Variants in CTNND2 observed in about 807,000 individuals in gnomAD.
CTNND2 encodes the protein catenin delta 2.
Under a neutral mutation model 144.4 loss-of-function variants are expected in CTNND2, and 22 were observed. The observed-to-expected ratio is 0.15, with a 90% CI of 0.11 to 0.22. CTNND2 has a LOEUF of 0.22. Ranked by LOEUF, CTNND2 falls within the 10% of genes least tolerant of loss-of-function variation. The pLI is 1.00. For synonymous variants in CTNND2, 751 were observed against 695.6 expected (o/e 1.08, Z -1.25); for missense variants, 1,353 against 1,618.8 (o/e 0.84, Z 2.82).
At position 11,343,814 on chromosome 5, in the gene CTNND2, AT is replaced by A. The variant is rs1193649981; in HGVS notation, c.1628+2557del. ...TGTAATGTGCTATAAACATATGTTT[AT>A]AATGATAAAGAGGCTTACATAGCCT... On this transcript the variant is annotated intron_variant, in intron 9 of 21. Coordinates refer to ENST00000304623, the MANE Select transcript of CTNND2 (RefSeq NM_001332.4). 2.0e-5 allele frequency among the ~76,000 whole-genome samples: 3 copies of A among 152,350 alleles called. No homozygotes were observed. In the East Asian group the frequency reaches 5.8e-4, roughly 29 times the overall value.
intron 11 of CTNND2, among the ~76,000 whole-genome samples, chr5:11,181,267 A>G (rs961437293): frequency 2.6e-5 from 4 of 152,188 alleles, no homozygotes; most frequent in African/African-American, 9.7e-5. Flanking sequence ...TGCCTGGGGT[A>G]TAAGAAGTGC....
chr5:10,984,049 G>A (rs1737628731), intron 20 of CTNND2, among the ~76,000 whole-genome samples: 1 of 152,158 alleles, frequency 6.6e-6, no homozygotes, highest in Admixed American at 6.5e-5. Flanking sequence ...GTCAAGTGAA[G>A]TAACCCCTTC....
At chr5:11,718,275 G>A (rs1305768322) in intron 2 of CTNND2, among the ~76,000 whole-genome samples, 4 of 152,150 alleles carry the variant, frequency 2.6e-5, no homozygotes, top group Non-Finnish European at 4.4e-5. Flanking sequence ...ATGTTCTTAA[G>A]ATTTAATGAG....
intron 1 of CTNND2, among the ~76,000 whole-genome samples, chr5:11,794,893 G>T (rs887972978): frequency 2.0e-5 from 3 of 151,924 alleles, no homozygotes; most frequent in African/African-American, 7.3e-5. Context: ...TGATTCGTAG[G>T]CTCAACACAA....
chr5:11,318,171 C>T (rs1030632528), intron 9 of CTNND2, among the ~76,000 whole-genome samples: 4 of 152,104 alleles, frequency 2.6e-5, no homozygotes, highest in South Asian at 2.1e-4. Context: ...CTCCAGTACA[C>T]GGAACCACCA....
intron 2 of CTNND2, among the ~76,000 whole-genome samples, chr5:11,662,288 T>C (rs13179081): frequency 6.9e-6 from 1 of 144,618 alleles, no homozygotes; most frequent in Non-Finnish European, 1.5e-5. Context: ...TATATATATA[T>C]ATAGACAGAG....
intron 2 of CTNND2, among the ~76,000 whole-genome samples, chr5:11,584,270 G>A (rs1251581589): frequency 2.0e-5 from 3 of 152,138 alleles, no homozygotes; most frequent in Non-Finnish European, 4.4e-5. Context: ...GAACACGTAT[G>A]CAAATGTTAC....
chr5:11,295,773 T>C (rs1748889690), intron 9 of CTNND2, among the ~76,000 whole-genome samples: 2 of 152,152 alleles, frequency 1.3e-5, no homozygotes, highest in Non-Finnish European at 2.9e-5. Context: ...GAAAACTGCC[T>C]AGCCATATGT....
chr5:11,603,439 C>T (rs73742874), intron 2 of CTNND2, among the ~76,000 whole-genome samples: 3 of 152,080 alleles, frequency 2.0e-5, no homozygotes, highest in Admixed American at 6.6e-5. Flanking sequence ...CAGGACCTCA[C>T]GTGCTGCACC....
intron 1 of CTNND2, among the ~76,000 whole-genome samples, chr5:11,854,030 G>C (rs930949502): frequency 2.6e-5 from 4 of 152,142 alleles, no homozygotes; most frequent in African/African-American, 9.7e-5. Flanking sequence ...TGATAAACAA[G>C]GCCCTGGAAA....
intron 2 of CTNND2, among the ~76,000 whole-genome samples, chr5:11,622,515 C>T (rs1780898286): frequency 1.3e-5 from 2 of 152,102 alleles, no homozygotes; most frequent in African/African-American, 4.8e-5. Flanking sequence ...GGTTCATAAA[C>T]TGAAGAGTTT....
In CTNND2 at chr5:10,973,463, G is replaced by A; in HGVS notation, c.3668C>T (p.Ser1223Phe). The change falls in exon 22 of 22, where the codon TCC becomes TTC. Residue 1223 changes from serine (S) to phenylalanine (F), a missense_variant. Ser to Phe is a radical substitution (Grantham distance 155). This residue lies in a region of CTNND2 where 459 missense variants were observed against 674.3 expected (regional missense o/e 0.68). Transcript: ENST00000304623. The surrounding 1 kb of genome is among the most constrained non-coding windows in gnomAD (Gnocchi z 5.6). ...CCTGTGCCCTGCTCCTCACACCCAG[G>A]AGTCGGGGGAGGCCGGGTAGTGGCT... ...ETSHYPASPD[S>F]WV The A allele has an allele frequency of 6.3e-7, 1 of 1,592,556 alleles. No individual in the cohort carries two copies. Among genetic ancestry groups the A allele is most frequent in the Non-Finnish European group, 8.6e-7 (1 of 1,166,778 alleles).
Position 11,277,969 on chromosome 5 carries a change from T to C in CTNND2, c.1629-41146A>G, listed in dbSNP as rs188226907. Among the ~76,000 whole-genome samples the C allele has an allele frequency of 7.2e-5, 11 of 152,340 alleles. No individual in the cohort carries two copies. In the East Asian group the frequency reaches 1.5e-3, roughly 21 times the overall value. ...ATCTACAACATTGCTGCAAAGCCTC[T>C]TGTCTCCACTTTTCTGTACCGCACA... On this transcript the variant is annotated intron_variant, in intron 9 of 21. Transcript: ENST00000304623.
chr5:11,455,750 C>T (rs1439095966), intron 3 of CTNND2, among the ~76,000 whole-genome samples: 1 of 152,114 alleles, frequency 6.6e-6, no homozygotes, highest in Non-Finnish European at 1.5e-5. Flanking sequence ...TGACATTTTA[C>T]TTTAGATAAT....
intron 1 of CTNND2, among the ~76,000 whole-genome samples, chr5:11,860,728 A>G (rs1177738286): frequency 3.9e-5 from 6 of 152,216 alleles, no homozygotes; most frequent in Non-Finnish European, 8.8e-5. Flanking sequence ...TCAAGCAGTG[A>G]CATAATCTAC....
intron 1 of CTNND2, among the ~76,000 whole-genome samples, chr5:11,820,460 G>A (rs1354499926): frequency 2.8e-4 from 43 of 152,156 alleles, no homozygotes; most frequent in Admixed American, 2.8e-3. Context: ...ATTAACTCCT[G>A]CTCCAAAGTT....
In CTNND2 at chr5:11,903,696, G is replaced by A. The variant is rs2126362627; in HGVS notation, c.37+121C>T. 1 of 1,074,854 alleles carries A rather than the reference G, an allele frequency of 9.3e-7. No individual in the cohort carries two copies. The allele number at this position is 1,074,854 out of a possible 1,614,324, so 66.6% of individuals were successfully genotyped here. A position where few individuals can be genotyped will look rare whatever the true frequency, so the allele number is the denominator to read the frequency against. On this transcript the variant is annotated intron_variant, in intron 1 of 21. Coordinates refer to ENST00000304623, the MANE Select transcript of CTNND2 (RefSeq NM_001332.4). The surrounding 1 kb of genome is among the most constrained non-coding windows in gnomAD (Gnocchi z 5.4). ...CCCCGAGGCAGGCAGAAACCCCGCAGCAGCCGCCGCCGCCGCCTGCCGGCC... is the reference window on the plus strand; with the variant it reads ...CCCCGAGGCAGGCAGAAACCCCGCAACAGCCGCCGCCGCCGCCTGCCGGCC...
At chr5:11,233,356 A>G (rs899280641) in intron 10 of CTNND2, among the ~76,000 whole-genome samples, 1 of 152,186 alleles carries the variant, frequency 6.6e-6, no homozygotes, top group African/African-American at 2.4e-5. Context: ...AGGAATAAGG[A>G]ACAAGAAAGG....
intron 9 of CTNND2, among the ~76,000 whole-genome samples, chr5:11,241,051 C>A (rs1742378110): frequency 6.7e-6 from 1 of 149,294 alleles, no homozygotes; most frequent in Non-Finnish European, 1.5e-5. Context: ...CACATGCACA[C>A]ACACCACACA....
Sources: gnomAD v4.1 joint callset for allele counts (sites outside exome capture counted in the v4.1 genomes callset) on GRCh38, gnomAD v4.1.1 for gene constraint, gnomAD v4.1.1 regional missense constraint, Gnocchi (gnomAD v3.1) non-coding constraint, MANE v1.5 for transcripts, NCBI Gene and HGNC (gene_info 2026-07-23, HGNC 2026-07-21) for gene names.